The following ATAD5 variants were observed in gnomAD, a reference collection of about 807,000 sequenced individuals.
ATAD5 encodes ATPase family AAA domain-containing protein 5.
A neutral mutation model predicts 176.9 loss-of-function variants in ATAD5; 58 were observed. The ratio of observed to expected loss-of-function variants is 0.33; its 90% CI spans 0.27 to 0.41. The LOEUF (loss-of-function observed/expected upper bound fraction) is 0.41, where lower values mean the gene tolerates loss of function less well. Among genes scored for constraint, ATAD5 ranks in the 10% least tolerant of loss-of-function variants. ATAD5 has a pLI of 1.00. For synonymous variants in ATAD5, 640 were observed against 712.6 expected, an observed-to-expected ratio of 0.90 and a Z score of 1.62; for missense variants, 1,789 against 2,094.1, an observed-to-expected ratio of 0.85 and a Z score of 2.84.
At chr17:30,863,512 A>G (rs567602124) in intron 10 of ATAD5, among the ~76,000 whole-genome samples, 2 of 150,964 alleles carry the variant, frequency 1.3e-5, no homozygotes, top group South Asian at 4.2e-4. Context: ...GACTACAGGT[A>G]CATGCTGCCA....
At chr17:30,844,385 C>T (rs1331486134) in intron 5 of ATAD5, among the ~76,000 whole-genome samples, 1 of 152,102 alleles carries the variant, frequency 6.6e-6, no homozygotes, top group Non-Finnish European at 1.5e-5. Flanking sequence ...CCTGTCTTGG[C>T]TTCCCAAAGT....
At chr17:30,873,774 C>T (rs1306072083) in intron 14 of ATAD5, among the ~76,000 whole-genome samples, 1 of 148,066 alleles carries the variant, frequency 6.8e-6, no homozygotes, top group Non-Finnish European at 1.5e-5. Flanking sequence ...TCATTGCAAA[C>T]TTGAACTCCT....
chr17:30,860,971 G>A (rs1907595971), intron 10 of ATAD5, among the ~76,000 whole-genome samples: 1 of 151,454 alleles, frequency 6.6e-6, no homozygotes, highest in African/African-American at 2.4e-5. Flanking sequence ...CCACCATCAT[G>A]CCCAGCTAAC....
At position 30,835,453 on chromosome 17, in the gene ATAD5, A is replaced by T. The variant is rs1190004329; in HGVS notation, c.1372A>T (p.Asn458Tyr). The change falls in exon 2 of 23, where the codon AAT becomes TAT. Residue 458 changes from asparagine to tyrosine, a missense_variant. Asn to Tyr is a moderately radical substitution (Grantham distance 143, BLOSUM62 -2). Coordinates refer to ENST00000321990, the MANE Select transcript of ATAD5 (RefSeq NM_024857.5). ...TTCTGGTATCCAAATGGTTTCAAAA[A>T]ATGGCAATTTACAGTTACACACTGA... is the stretch of plus-strand genomic sequence containing the variant. The part of the protein sequence containing the change: ...ENSGIQMVSK[N>Y]GNLQLHTDKG... 3 of 1,611,744 alleles carry T rather than the reference A, an allele frequency of 1.9e-6. No individual in the cohort carries two copies. The highest frequency in any genetic ancestry group is 2.5e-6 in the Non-Finnish European group (3 of 1,179,394).
At chr17:30,840,882 T>C in intron 4 of ATAD5, 101 bp downstream of exon 4, 1 of 1,164,898 alleles carries the variant, frequency 8.6e-7, no homozygotes, top group Non-Finnish European at 1.2e-6. Flanking sequence ...GTTTGTGTGA[T>C]AGCTTGAAGT....
In ATAD5 at chr17:30,832,006, C is replaced by T. The variant is rs1905405233; in HGVS notation, c.-342C>T. 1.1e-5 allele frequency: 4 copies of T among 355,664 alleles called. No homozygotes were observed. Among genetic ancestry groups the T allele is most frequent in the Non-Finnish European group, 2.0e-5 (4 of 199,356 alleles). 22.0% of individuals were successfully genotyped at this position (355,664 alleles called of 1,614,324 possible). A position where few individuals can be genotyped will look rare whatever the true frequency, so the allele number is the denominator to read the frequency against. On this transcript the variant is annotated 5_prime_UTR_variant, in exon 1 of 23. Coordinates refer to ENST00000321990, the MANE Select transcript of ATAD5 (RefSeq NM_024857.5). ...CGAAAACCCAATTGACAAGAATTCC[C>T]TCCGAAGCTCTGTGGTCCGATCTGC...
At chr17:30,878,718 G>GGTTTT (rs1908812554) in intron 17 of ATAD5, among the ~76,000 whole-genome samples, 2 of 56,838 alleles carry the variant, frequency 3.5e-5, no homozygotes, top group Admixed American at 2.6e-4. Flanking sequence ...GTTAGGTGGT[G>GGTTTT]TTTTTTTTTT....
chr17:30,878,093 A>G lies in ATAD5; in HGVS notation c.4009A>G (p.Ser1337Gly). ...TAAACGACCTGTAATCCTTACTACAAGTGGTAGGTAACAATGATTTTACTT... is the reference window on the plus strand; with the variant it reads ...TAAACGACCTGTAATCCTTACTACAGGTGGTAGGTAACAATGATTTTACTT... ...TTKRPVILTT[S>G]DPTFSLMFDG... The change falls in exon 17 of 23, where the codon AGT becomes GGT. Residue 1337 changes from serine to glycine, a missense_variant. Around this residue, in one of 6 missense-constraint regions of ATAD5, gnomAD observed 194 missense variants for 270.1 expected, o/e 0.72. Coordinates refer to ENST00000321990, the MANE Select transcript of ATAD5 (RefSeq NM_024857.5). 1.3e-6 allele frequency: 2 copies of G among 1,599,740 alleles called. No homozygotes were observed. The highest frequency in any genetic ancestry group is 1.7e-6 in the Non-Finnish European group (2 of 1,170,204).
intron 6 of ATAD5, among the ~76,000 whole-genome samples, 182 bp downstream of exon 6, chr17:30,845,098 CT>C (rs1484275086): frequency 1.3e-5 from 2 of 152,128 alleles, no homozygotes; most frequent in Non-Finnish European, 2.9e-5. Flanking sequence ...TTTGCAAGTG[CT>C]TTGGCCATCG....
chr17:30,852,231 A>G (rs1859233520), intron 6 of ATAD5, among the ~76,000 whole-genome samples: 1 of 152,144 alleles, frequency 6.6e-6, no homozygotes, highest in Non-Finnish European at 1.5e-5. Flanking sequence ...TGATGCTCAA[A>G]TTGTTTTTAA....
chr17:30,844,889 A>C lies in ATAD5; in HGVS notation c.2423A>C (p.Asp808Ala), dbSNP rs757564464. The change falls in exon 6 of 23, where the codon GAT (aspartate) becomes GCT (alanine). Residue 808 changes from aspartate (D) to alanine (A), a missense_variant. Asp to Ala is a moderately radical substitution (Grantham distance 126). Coordinates refer to ENST00000321990, the MANE Select transcript of ATAD5 (RefSeq NM_024857.5). The stretch of plus-strand genomic sequence containing the variant: ...GTCAGAAAAGCACAAAAAGCAGCTG[A>C]TCCTGTCCCTAGTTTTGATGAAAGC... ...FLVRKAQKAA[D>A]PVPSFDESSQ... The C allele has an allele frequency of 5.7e-6, 9 of 1,584,410 alleles. No individual in the cohort carries two copies. The highest frequency in any genetic ancestry group is 7.7e-6 in the Non-Finnish European group (9 of 1,172,886).
intron 6 of ATAD5, among the ~76,000 whole-genome samples, chr17:30,852,695 C>G (rs563418642): frequency 6.6e-6 from 1 of 152,074 alleles, no homozygotes; most frequent in African/African-American, 2.4e-5. Context: ...GGAGAGCAGG[C>G]CTGTCACATG....
chr17:30,879,694 C>G (rs1024195601), intron 18 of ATAD5, among the ~76,000 whole-genome samples: 4 of 151,910 alleles, frequency 2.6e-5, no homozygotes, highest in African/African-American at 9.7e-5. Context: ...TCCGAAGTAG[C>G]TGGGACTACA....
At chr17:30,860,083 G>A (rs1907533797) in intron 9 of ATAD5, among the ~76,000 whole-genome samples, 2 of 151,958 alleles carry the variant, frequency 1.3e-5, no homozygotes, top group Non-Finnish European at 2.9e-5. Flanking sequence ...GAGTACAGTG[G>A]TGTTTTCATG....
At chr17:30,840,924 T>A in intron 4 of ATAD5, 143 bp downstream of exon 4, 3 of 826,594 alleles carry the variant, frequency 3.6e-6, no homozygotes, top group South Asian at 2.2e-5. Context: ...AGTTTTGCTT[T>A]AAAAGCCTTC....
At chr17:30,858,829 C>T (rs903740956) in intron 9 of ATAD5, among the ~76,000 whole-genome samples, 7 of 152,168 alleles carry the variant, frequency 4.6e-5, no homozygotes, top group Non-Finnish European at 7.3e-5. Context: ...CACAGGCTTG[C>T]GCCACTGCAC....
At chr17:30,889,788 C>G (rs1909520860) in intron 19 of ATAD5, among the ~76,000 whole-genome samples, 1 of 151,590 alleles carries the variant, frequency 6.6e-6, no homozygotes, top group Non-Finnish European at 1.5e-5. Flanking sequence ...TTCAAGGAAA[C>G]CAAGGTGAAA....
At chr17:30,851,268 G>A (rs1458952128) in intron 6 of ATAD5, among the ~76,000 whole-genome samples, 43 of 150,758 alleles carry the variant, frequency 2.9e-4, no homozygotes, top group African/African-American at 7.3e-4. Context: ...AGGCCAAGGC[G>A]TGTGGATCAC....
intron 6 of ATAD5, among the ~76,000 whole-genome samples, chr17:30,850,978 A>G (rs1283201468): frequency 1.5e-5 from 2 of 134,764 alleles, no homozygotes; most frequent in Admixed American, 7.6e-5. Flanking sequence ...TCTGCCTCCC[A>G]GGCTCAAGCA....
Sources: gnomAD v4.1 joint callset for allele counts (sites outside exome capture counted in the v4.1 genomes callset) on GRCh38, gnomAD v4.1.1 for gene constraint, gnomAD v4.1.1 regional missense constraint, MANE v1.5 for transcripts, NCBI Gene and HGNC (gene_info 2026-07-23, HGNC 2026-07-21) for gene names.